The following ESR1 variants were observed in gnomAD, a reference collection of about 807,000 sequenced individuals.
ESR1 encodes estrogen receptor 1, also known as estrogen receptor.
In ESR1, 12 loss-of-function variants were observed where a neutral mutation model predicts 52.7. That is an observed-to-expected ratio of 0.23 (90% CI 0.15 to 0.37). The LOEUF is 0.37. Among genes scored for constraint, ESR1 ranks in the 10% least tolerant of loss-of-function variants. The pLI is 1.00. For synonymous variants in ESR1, 305 were observed against 316.8 expected, an observed-to-expected ratio of 0.96 and a Z score of 0.39; for missense variants, 584 against 779.7, an observed-to-expected ratio of 0.75 and a Z score of 2.99.
At chr6:151,785,116 C>T (rs542056346) in intron 2 of ESR1, among the ~76,000 whole-genome samples, 10 of 152,318 alleles carry the variant, frequency 6.6e-5, no homozygotes, top group African/African-American at 1.9e-4. Context: ...CATCTAGACT[C>T]ATGTTTGATT....
rs762292600 is a variant in ESR1, at chr6:151,944,316, A to G, written c.904A>G (p.Lys302Glu). Reference sequence around the variant, plus strand: ...AAGCCCGCTCATGATCAAACGCTCTAAGAAGAACAGCCTGGCCTTGTCCCT... The same window carrying G: ...AAGCCCGCTCATGATCAAACGCTCTGAGAAGAACAGCCTGGCCTTGTCCCT... The part of the protein sequence containing the change: ...WPSPLMIKRS[K>E]KNSLALSLTA... The change falls in exon 4 of 8, where the codon AAG becomes GAG. Residue 302 changes from lysine to glutamate, a missense_variant. Physicochemically the swap from Lys to Glu is moderately conservative, Grantham distance 56 (BLOSUM62 1). This residue lies in a region of ESR1 where 88 missense variants were observed against 88.3 expected (regional missense o/e 1.00). Transcript: ENST00000206249. 5.0e-6 allele frequency: 8 copies of G among 1,613,948 alleles called. No homozygotes were observed. Among genetic ancestry groups the G allele is most frequent in the Non-Finnish European group, 6.8e-6 (8 of 1,179,972 alleles).
At chr6:152,014,924 G>A (rs139337922) in intron 5 of ESR1, among the ~76,000 whole-genome samples, 29 of 152,088 alleles carry the variant, frequency 1.9e-4, no homozygotes, top group African/African-American at 6.3e-4. Context: ...AAAGTTAGCC[G>A]GGCATGGTGG....
intron 2 of ESR1, among the ~76,000 whole-genome samples, chr6:151,736,868 C>G (rs1782720737): frequency 6.6e-6 from 1 of 151,998 alleles, no homozygotes; most frequent in Admixed American, 6.6e-5. Flanking sequence ...GCTCCTGAGT[C>G]CATTCTACTA....
rs560276001 is a variant in ESR1, at chr6:152,094,854, A to C, written c.1553+286A>C. ...GTTTAGAGATTGGGTGCAGTGTGCAAATAGGAGGAGGGGGCCAATCAAGAG... is the reference window on the plus strand; with the variant it reads ...GTTTAGAGATTGGGTGCAGTGTGCACATAGGAGGAGGGGGCCAATCAAGAG... On this transcript the variant is annotated intron_variant, in intron 7 of 7. Coordinates refer to ENST00000206249, the MANE Select transcript of ESR1 (RefSeq NM_000125.4). The surrounding 1 kb of genome is among the most constrained non-coding windows in gnomAD (Gnocchi z 4.6). Among the ~76,000 whole-genome samples the C allele has an allele frequency of 6.6e-6, 1 of 152,256 alleles. No individual in the cohort carries two copies. The highest frequency in any genetic ancestry group is 2.4e-5 in the African/African-American group (1 of 41,550).
At chr6:152,027,849 A>T (rs2128849526) in intron 5 of ESR1, among the ~76,000 whole-genome samples, 1 of 152,264 alleles carries the variant, frequency 6.6e-6, no homozygotes, top group Non-Finnish European at 1.5e-5. Flanking sequence ...TATAGTTTTA[A>T]ATATTTGTTT....
intron 1 of ESR1, among the ~76,000 whole-genome samples, chr6:151,695,196 T>C (rs1413818716): frequency 6.6e-6 from 1 of 152,210 alleles, no homozygotes; most frequent in Non-Finnish European, 1.5e-5. Flanking sequence ...ACCTGGAGCT[T>C]GGTTTCCCTA....
At chr6:151,770,899 A>G (rs956697958) in intron 2 of ESR1, among the ~76,000 whole-genome samples, 41 of 152,330 alleles carry the variant, frequency 2.7e-4, no homozygotes, top group African/African-American at 9.6e-4. Context: ...ATAAGAAACT[A>G]AAAGTGTTCA....
intron 2 of ESR1, among the ~76,000 whole-genome samples, chr6:151,775,023 A>G (rs1785837237): frequency 6.6e-6 from 1 of 152,212 alleles, no homozygotes; most frequent in Non-Finnish European, 1.5e-5. Flanking sequence ...TTAGTCCAAT[A>G]TAGCCCTTTG....
chr6:151,988,581 G>A (rs2040723191), intron 4 of ESR1, among the ~76,000 whole-genome samples: 1 of 152,016 alleles, frequency 6.6e-6, no homozygotes, highest in South Asian at 2.1e-4. Context: ...AGGGTGGAGG[G>A]TGGGAGGAGG....
intron 3 of ESR1, among the ~76,000 whole-genome samples, chr6:151,931,186 G>T (rs1428334678): frequency 6.6e-6 from 1 of 151,644 alleles, no homozygotes; most frequent in Non-Finnish European, 1.5e-5. Flanking sequence ...TTATGCATAT[G>T]CTTGTTATAC....
chr6:151,906,714 C>T (rs1797511950), intron 3 of ESR1, among the ~76,000 whole-genome samples: 1 of 145,178 alleles, frequency 6.9e-6, no homozygotes, highest in Admixed American at 7.0e-5. Flanking sequence ...TAGTATGCAG[C>T]TTGACTTTGC....
At chr6:151,742,095 G>A (rs909529554) in intron 2 of ESR1, among the ~76,000 whole-genome samples, 7 of 152,142 alleles carry the variant, frequency 4.6e-5, no homozygotes, top group African/African-American at 1.7e-4. Context: ...TCCATGTTGT[G>A]GCAAATGGCA....
intron 3 of ESR1, among the ~76,000 whole-genome samples, chr6:151,908,187 A>G (rs950033527): frequency 1.3e-5 from 2 of 152,184 alleles, no homozygotes; most frequent in African/African-American, 4.8e-5. Flanking sequence ...GTTTAGTAGG[A>G]TAACATTTCT....
intron 6 of ESR1, among the ~76,000 whole-genome samples, chr6:152,120,479 G>A (rs2051291506): frequency 6.6e-6 from 1 of 152,138 alleles, no homozygotes; most frequent in Non-Finnish European, 1.5e-5. Flanking sequence ...TGTGGAACAC[G>A]ATGGGTTCAT....
At chr6:151,897,342 T>C in intron 3 of ESR1, among the ~76,000 whole-genome samples, 1 of 152,232 alleles carries the variant, frequency 6.6e-6, no homozygotes, top group South Asian at 2.1e-4. Context: ...GTAGTAATTG[T>C]TCTATACATT....
intron 2 of ESR1, among the ~76,000 whole-genome samples, chr6:151,853,896 G>A (rs1787342443): frequency 6.6e-6 from 1 of 152,074 alleles, no homozygotes; most frequent in Non-Finnish European, 1.5e-5. Context: ...AGAAAGCTTT[G>A]TTTATCAGTG....
intron 1 of ESR1, among the ~76,000 whole-genome samples, chr6:151,836,196 A>G (rs955379654): frequency 6.6e-6 from 1 of 152,228 alleles, no homozygotes; most frequent in Non-Finnish European, 1.5e-5. Context: ...TGTAGGAGAT[A>G]TATTTAGCAA....
At chr6:152,091,530 C>T (rs2050177941) in intron 6 of ESR1, among the ~76,000 whole-genome samples, 1 of 152,174 alleles carries the variant, frequency 6.6e-6, no homozygotes, top group African/African-American at 2.4e-5. Context: ...GGCTTGGAAT[C>T]CTTAGCATAG....
chr6:151,794,928 T>C (rs1300285702), intron 2 of ESR1, among the ~76,000 whole-genome samples: 2 of 152,170 alleles, frequency 1.3e-5, no homozygotes, highest in African/African-American at 4.8e-5. Flanking sequence ...CCAAAACCTT[T>C]GGGCCACACA....
Sources: allele counts gnomAD v4.1 joint callset (sites outside exome capture counted in the v4.1 genomes callset), GRCh38; gene constraint gnomAD v4.1.1; regional missense constraint gnomAD v4.1.1; non-coding constraint Gnocchi (gnomAD v3.1); transcripts MANE v1.5; gene names NCBI Gene and HGNC (gene_info 2026-07-23, HGNC 2026-07-21).